Variants in NUP98 observed in about 807,000 individuals in gnomAD.
The protein encoded by NUP98 is nucleoporin 98 and 96 precursor.
Under a neutral mutation model 191.9 loss-of-function variants are expected in NUP98, and 26 were observed. That is an observed-to-expected ratio of 0.14 (90% CI 0.10 to 0.19). The LOEUF is 0.19. Ranked by LOEUF, NUP98 falls within the 10% of genes least tolerant of loss-of-function variation. NUP98 has a pLI of 1.00. For synonymous variants in NUP98, 808 were observed against 778.4 expected (o/e 1.04, Z -0.63); for missense variants, 1,941 against 2,178.8 (o/e 0.89, Z 2.17).
At chr11:3,689,914 G>A (rs945410461) in intron 28 of NUP98, among the ~76,000 whole-genome samples, 4 of 150,456 alleles carry the variant, frequency 2.7e-5, no homozygotes, top group African/African-American at 9.8e-5. Flanking sequence ...TGGGATTACA[G>A]GTGTGAGCCA....
At chr11:3,793,018 G>A (rs2082406622) in intron 1 of NUP98, among the ~76,000 whole-genome samples, 1 of 152,088 alleles carries the variant, frequency 6.6e-6, no homozygotes, top group Admixed American at 6.6e-5. Flanking sequence ...GGCTGAGGCA[G>A]GAGAATTGCT....
At chr11:3,690,585 C>A (rs2078282391) in intron 28 of NUP98, among the ~76,000 whole-genome samples, 1 of 152,084 alleles carries the variant, frequency 6.6e-6, no homozygotes, top group Non-Finnish European at 1.5e-5. Context: ...TAAACATGTA[C>A]ACACAGATTC....
chr11:3,696,877 T>G (rs769481877), intron 25 of NUP98: 2 of 151,992 alleles, frequency 1.3e-5, no homozygotes, highest in Non-Finnish European at 2.9e-5. Context: ...AAGCTTTTAG[T>G]AACCTAAAAG....
At chr11:3,698,926 A>T in intron 25 of NUP98, 156 bp downstream of exon 25, 1 of 784,636 alleles carries the variant, frequency 1.3e-6, no homozygotes, top group Non-Finnish European at 2.1e-6. Flanking sequence ...ATGTTATATT[A>T]CATATTCCAC....
At chr11:3,719,339 A>G in intron 18 of NUP98, 73 bp downstream of exon 18, 2 of 1,252,050 alleles carry the variant, frequency 1.6e-6, no homozygotes, top group Non-Finnish European at 2.3e-6. Context: ...GCATACATCT[A>G]AACACATTTA....
chr11:3,701,493 C>T (rs2078677026), intron 23 of NUP98, among the ~76,000 whole-genome samples: 1 of 151,446 alleles, frequency 6.6e-6, no homozygotes, highest in South Asian at 2.1e-4. Flanking sequence ...AACTCCTGAC[C>T]TCAAGTGATC....
chr11:3,725,088 CAGAAT>C lies in NUP98; in HGVS notation c.1847+10_1847+14del. 3 of 1,158,078 alleles carry C rather than the reference CAGAAT, an allele frequency of 2.6e-6. No individual in the cohort carries two copies. The highest frequency in any genetic ancestry group is 1.3e-5 in the South Asian group (1 of 79,396). 71.7% of individuals were successfully genotyped at this position (1,158,078 alleles called of 1,614,324 possible). On this transcript the variant is annotated intron_variant, in intron 15 of 32. Transcript: ENST00000324932. ...ACTCTCTACTAAGAAGAACTCAAAA[CAGAAT>C]TCAGTGTACCTCTCTCCATTTTCTG...
intron 7 of NUP98, among the ~76,000 whole-genome samples, chr11:3,770,256 G>C (rs1402642727): frequency 2.0e-5 from 3 of 152,190 alleles, no homozygotes; most frequent in Admixed American, 1.3e-4. Flanking sequence ...TGAGGCAGAA[G>C]AATCGCTTGA....
At chr11:3,691,520 T>G (rs752973491) in intron 27 of NUP98, 31 bp from the exon 28 acceptor site, 2 of 1,609,242 alleles carry the variant, frequency 1.2e-6, no homozygotes, top group South Asian at 1.1e-5. Context: ...AACAATACAT[T>G]AGCTCCTAAT....
intron 14 of NUP98, among the ~76,000 whole-genome samples, chr11:3,726,939 A>T (rs890573685): frequency 1.5e-4 from 23 of 151,438 alleles, no homozygotes; most frequent in African/African-American, 4.8e-4. Context: ...TTAAAAAAAA[A>T]TTTTTTTTTA....
chr11:3,713,794 C>T, intron 19 of NUP98, 24 bp downstream of exon 19: 1 of 1,594,382 alleles, frequency 6.3e-7, no homozygotes, highest in East Asian at 2.2e-5. Flanking sequence ...TTATAAAAGT[C>T]TGAACTGGGT....
chr11:3,712,328 TGAC>T, intron 20 of NUP98: 1 of 1,313,842 alleles, frequency 7.6e-7, no homozygotes, highest in Admixed American at 3.6e-5. Context: ...GGTTTAAAAA[TGAC>T]AATCTGTAGA....
At chr11:3,701,364 C>T (rs2078672604) in intron 23 of NUP98, among the ~76,000 whole-genome samples, 1 of 147,826 alleles carries the variant, frequency 6.8e-6, no homozygotes, top group South Asian at 2.1e-4. Context: ...GGTTCAAGGG[C>T]GATTCTCCTG....
At chr11:3,714,857 T>C (rs779870826) in intron 18 of NUP98, 2 of 152,340 alleles carry the variant, frequency 1.3e-5, no homozygotes, top group Admixed American at 6.5e-5. Context: ...AGTGTTTTAT[T>C]GCATGTATAT....
intron 7 of NUP98, among the ~76,000 whole-genome samples, chr11:3,770,372 G>A (rs1483116965): frequency 2.0e-5 from 3 of 151,842 alleles, no homozygotes; most frequent in African/African-American, 7.3e-5. Context: ...ATGCCTGTAG[G>A]GTGGCTGAGG....
chr11:3,679,106 G>C (rs113366960), intron 31 of NUP98, among the ~76,000 whole-genome samples: 2,455 of 126,884 alleles, frequency 0.019, 82 homozygotes, highest in African/African-American at 0.069. Flanking sequence ...CTGGATGACA[G>C]AGCAAGACTC....
At chr11:3,700,423 A>G (rs2078641722) in intron 24 of NUP98, among the ~76,000 whole-genome samples, 187 bp downstream of exon 24, 1 of 152,228 alleles carries the variant, frequency 6.6e-6, no homozygotes, top group Non-Finnish European at 1.5e-5. Flanking sequence ...TAAAAGAACA[A>G]AGTGACAAGA....
chr11:3,793,344 C>T (rs2082417714), intron 1 of NUP98, among the ~76,000 whole-genome samples: 1 of 152,026 alleles, frequency 6.6e-6, no homozygotes, highest in Non-Finnish European at 1.5e-5. Context: ...GGATGAAGCA[C>T]AGTGGTGCAA....
intron 1 of NUP98, among the ~76,000 whole-genome samples, chr11:3,795,684 A>G (rs2134005670): frequency 6.6e-6 from 1 of 152,334 alleles, no homozygotes; most frequent in African/African-American, 2.4e-5. Context: ...TTAAAAAAAC[A>G]GCTAAAATAA....
Sources: allele counts gnomAD v4.1 joint callset (sites outside exome capture counted in the v4.1 genomes callset), GRCh38; gene constraint gnomAD v4.1.1; transcripts MANE v1.5; gene names NCBI Gene and HGNC (gene_info 2026-07-23, HGNC 2026-07-21).